Variants in TRAPPC13 observed in about 807,000 individuals in gnomAD.
TRAPPC13 encodes the protein REV7-interacting novel NHEJ regulator 1.
A neutral mutation model predicts 54.0 loss-of-function variants in TRAPPC13; 39 were observed. The ratio of observed to expected loss-of-function variants is 0.72; its 90% CI spans 0.56 to 0.94. TRAPPC13 has a LOEUF of 0.94. Among genes scored for constraint, TRAPPC13 ranks in the 40% least tolerant of loss-of-function variants. The pLI is 0.00. For missense variants in TRAPPC13, 386 were observed against 488.1 expected (o/e 0.79, Z 1.97); for synonymous variants, 148 against 167.7 (o/e 0.88, Z 0.91).
rs1489615567 is a variant in TRAPPC13, at chr5:65,664,284, T to C, written c.1046T>C (p.Ile349Thr). ...TTGGAAATGTGCAATACCAATTCCA[T>C]CCACTGGTGTGGAATTTCAGGAAGA... ...LVLEMCNTNS[I>T]HWCGISGRQL... Residue 349 changes from isoleucine to threonine, a missense_variant, in exon 12 of 13, where the codon ATC becomes ACC. Ile to Thr is a moderately conservative substitution (Grantham distance 89). Coordinates refer to ENST00000399438, the MANE Select transcript of TRAPPC13 (RefSeq NM_024941.4). 1 of 1,613,722 alleles carries C rather than the reference T, an allele frequency of 6.2e-7. No homozygotes were observed. The highest frequency in any genetic ancestry group is 1.3e-5 in the African/African-American group (1 of 74,920).
Position 65,647,068 on chromosome 5 carries a change from C to A in TRAPPC13, c.314C>A (p.Thr105Lys). The change falls in exon 5 of 13, where the codon ACA (threonine) becomes AAA (lysine). Residue 105 changes from threonine to lysine, a missense_variant. By Grantham distance (78) the Thr-to-Lys change is moderately conservative. Coordinates refer to ENST00000399438, the MANE Select transcript of TRAPPC13 (RefSeq NM_024941.4). ...CTTTCTTTCAAGGCTGATCTTCAGACAAGTTCTCAGCGTTTAAATCTTTCA... is the reference window on the plus strand; with the variant it reads ...CTTTCTTTCAAGGCTGATCTTCAGAAAAGTTCTCAGCGTTTAAATCTTTCA... ...KDILVKADLQ[T>K]SSQRLNLSAS... 1 of 1,538,374 alleles carries A rather than the reference C, an allele frequency of 6.5e-7. No homozygotes were observed. Among genetic ancestry groups the A allele is most frequent in the Non-Finnish European group, 8.8e-7 (1 of 1,141,274 alleles).
intron 8 of TRAPPC13, 129 bp downstream of exon 8, chr5:65,655,782 C>T (rs1756629560): frequency 6.7e-6 from 2 of 299,048 alleles, no homozygotes. Context: ...TATGTGACTT[C>T]AGAAAGATTA....
intron 1 of TRAPPC13, among the ~76,000 whole-genome samples, chr5:65,633,430 G>A (rs1351460011): frequency 6.6e-6 from 1 of 151,988 alleles, no homozygotes; most frequent in Non-Finnish European, 1.5e-5. Flanking sequence ...ACAGGCGCCC[G>A]CCACCATGCT....
rs71610504 is a variant in TRAPPC13, at chr5:65,645,198, C to CAAAA, written c.301-1844_301-1841dup. Among the ~76,000 whole-genome samples the CAAAA allele has an allele frequency of 2.5e-3, 268 of 108,700 alleles. 4 individuals are homozygous for CAAAA. Among genetic ancestry groups the CAAAA allele is most frequent in the South Asian group, 3.4e-3 (10 of 2,922 alleles). The allele number at this position is 108,700 out of a possible 152,430, so 71.3% of individuals were successfully genotyped here. On this transcript the variant is annotated intron_variant, in intron 4 of 12. Coordinates refer to ENST00000399438, the MANE Select transcript of TRAPPC13 (RefSeq NM_024941.4). ...GGGCAACAAGAGTGAAACTCTGTCTCAAAAAAAAAAAAAAAAGAATTTTGA... is the reference window on the plus strand; with the variant it reads ...GGGCAACAAGAGTGAAACTCTGTCTCAAAAAAAAAAAAAAAAAAAAGAATTTTGA...
intron 8 of TRAPPC13, 91 bp from the exon 9 acceptor site, chr5:65,658,277 T>C (rs1423270586): frequency 6.2e-6 from 8 of 1,280,880 alleles, no homozygotes; most frequent in Middle Eastern, 1.9e-4. Flanking sequence ...TTGTGGTTAA[T>C]ATTTTTTCTT....
At chr5:65,657,618 A>G (rs2150689818) in intron 8 of TRAPPC13, among the ~76,000 whole-genome samples, 1 of 152,330 alleles carries the variant, frequency 6.6e-6, no homozygotes, top group South Asian at 2.1e-4. Flanking sequence ...AATTAGGGGA[A>G]TTAATTTATC....
chr5:65,635,706 C>T (rs1755720629), intron 2 of TRAPPC13, among the ~76,000 whole-genome samples: 2 of 151,350 alleles, frequency 1.3e-5, no homozygotes, highest in South Asian at 2.1e-4. Context: ...GGGGCTTTCT[C>T]TAGTATATTT....
chr5:65,650,762 T>C, intron 5 of TRAPPC13, 48 bp from the exon 6 acceptor site: 1 of 1,493,342 alleles, frequency 6.7e-7, no homozygotes, highest in South Asian at 1.2e-5. Context: ...TGATTTACTA[T>C]TAAAATTAAA....
At chr5:65,652,339 C>CTTTTTT (rs11354403) in intron 6 of TRAPPC13, among the ~76,000 whole-genome samples, 162 bp from the exon 7 acceptor site, 65 of 116,190 alleles carry the variant, frequency 5.6e-4, no homozygotes, top group African/African-American at 8.2e-4. Flanking sequence ...TTTTTCTTTT[C>CTTTTTT]TTTTTTTTTT....
intron 3 of TRAPPC13, 66 bp from the exon 4 acceptor site, chr5:65,637,629 TC>T: frequency 1.4e-6 from 1 of 709,912 alleles, no homozygotes; most frequent in East Asian, 3.9e-5. Flanking sequence ...AGACTCTGTC[TC>T]AAAAAAAAAA....
At chr5:65,647,033 T>TC (rs1451214772) in intron 4 of TRAPPC13, 22 bp from the exon 5 acceptor site, 1 of 1,523,468 alleles carries the variant, frequency 6.6e-7, no homozygotes, top group Non-Finnish European at 8.8e-7. Context: ...GACTTTTTTT[T>TC]TTTTTTTAAC....
intron 1 of TRAPPC13, 120 bp from the exon 2 acceptor site, chr5:65,635,181 G>C: frequency 1.2e-6 from 1 of 833,702 alleles, no homozygotes; most frequent in South Asian, 2.1e-5. Context: ...TTATATTTAG[G>C]AAGTATTTAG....
rs745382404 is a variant in TRAPPC13 at position 65,660,873 on chromosome 5, A to G, written c.873A>G (p.Leu291=). 14 of 1,612,218 alleles carry G rather than the reference A, an allele frequency of 8.7e-6. No homozygotes were observed. In the Admixed American group the frequency reaches 1.5e-4, roughly 17 times the overall value. The part of the protein sequence containing the change: ...WKTNLGERGR[L]QTSQLQRMAP... ...CAAATCTAGGTGAAAGGGGAAGGTT[A>G]CAGACCAGCCAACTTCAAAGAATGG... Residue 291 remains leucine (L), a synonymous_variant, in exon 10 of 13, where the codon TTA becomes TTG. Transcript: ENST00000399438.
intron 3 of TRAPPC13, 66 bp from the exon 4 acceptor site, chr5:65,637,630 C>CAAAAAA: frequency 2.9e-6 from 2 of 680,196 alleles, no homozygotes; most frequent in Non-Finnish European, 4.3e-6. Context: ...GACTCTGTCT[C>CAAAAAA]AAAAAAAAAA....
intron 4 of TRAPPC13, among the ~76,000 whole-genome samples, chr5:65,645,543 G>A (rs1200950432): frequency 6.6e-6 from 1 of 152,150 alleles, no homozygotes; most frequent in South Asian, 2.1e-4. Flanking sequence ...GGTGGCTAAC[G>A]CCTGTAATCC....
intron 1 of TRAPPC13, chr5:65,630,511 A>G (rs2150662193): frequency 7.5e-6 from 10 of 1,328,348 alleles, no homozygotes; most frequent in Non-Finnish European, 9.6e-6. Flanking sequence ...CTTCTTTTAA[A>G]TGTGATAAAT....
At chr5:65,643,210 A>C (rs1490797824) in intron 4 of TRAPPC13, among the ~76,000 whole-genome samples, 2 of 151,720 alleles carry the variant, frequency 1.3e-5, no homozygotes, top group African/African-American at 4.8e-5. Flanking sequence ...GTTTTATTAC[A>C]TTCCAATCAG....
At chr5:65,664,187 C>T (rs1373731038) in intron 11 of TRAPPC13, 50 bp from the exon 12 acceptor site, 6 of 1,570,518 alleles carry the variant, frequency 3.8e-6, no homozygotes, top group Middle Eastern at 3.5e-4. Context: ...TGCAGTACCT[C>T]TTTGTGAAAT....
chr5:65,651,842 G>GTTTTTTTTTTTTTTTTTTTTTTTTT (rs762929434), intron 6 of TRAPPC13, among the ~76,000 whole-genome samples: 1 of 41,136 alleles, frequency 2.4e-5, no homozygotes, highest in African/African-American at 9.3e-5. Context: ...ACGTGATTCA[G>GTTTTTTTTTTTTTTTTTTTTTTTTT]TTTTTTTTTT....
Sources: allele counts gnomAD v4.1 joint callset (sites outside exome capture counted in the v4.1 genomes callset), GRCh38; gene constraint gnomAD v4.1.1; transcripts MANE v1.5; gene names NCBI Gene and HGNC (gene_info 2026-07-23, HGNC 2026-07-21).